ANKRD11: variants seen among roughly 807,000 people sequenced by gnomAD.
The protein encoded by ANKRD11 is ankyrin repeat domain-containing protein 11.
A neutral mutation model predicts 195.7 loss-of-function variants in ANKRD11; 17 were observed. The observed-to-expected ratio is 0.09, with a 90% CI of 0.06 to 0.13. The LOEUF is 0.13. Among genes scored for constraint, ANKRD11 ranks in the 10% least tolerant of loss-of-function variants. The pLI is 1.00. For synonymous variants in ANKRD11, 1,953 were observed against 1,528.1 expected, an observed-to-expected ratio of 1.28 and a Z score of -6.49; for missense variants, 3,735 against 3,566.1, an observed-to-expected ratio of 1.05 and a Z score of -1.21.
chr16:89,292,871 T>G (rs935238593), intron 4 of ANKRD11, among the ~76,000 whole-genome samples: 17 of 152,340 alleles, frequency 1.1e-4, no homozygotes, highest in African/African-American at 4.1e-4. Flanking sequence ...CGCCCCATGC[T>G]TTCCCTGCAC....
Position 89,283,567 on chromosome 16 carries a change from T to C in ANKRD11, c.2975A>G (p.Asp992Gly). The C allele has an allele frequency of 6.2e-7, 1 of 1,611,238 alleles. No individual in the cohort carries two copies. Among genetic ancestry groups the C allele is most frequent in the Non-Finnish European group, 8.5e-7 (1 of 1,180,016 alleles). ...ESGFKDKSDG[D>G]FGKGLEPWER... is the part of the protein sequence containing the mutation. ...CCACGGCTCCAGGCCCTTCCCAAAG[T>C]CGCCGTCGGACTTGTCCTTGAAGCC... The change falls in exon 9 of 13, where the codon GAC becomes GGC. Residue 992 changes from aspartate to glycine, a missense_variant. Coordinates refer to ENST00000301030, the MANE Select transcript of ANKRD11 (RefSeq NM_013275.6). This position sits in a 1 kb window ranked among gnomAD's most constrained non-coding sequence, Gnocchi z 4.3.
chr16:89,317,354 C>T (rs908999017), intron 2 of ANKRD11, among the ~76,000 whole-genome samples: 84 of 152,352 alleles, frequency 5.5e-4, no homozygotes, highest in African/African-American at 2.0e-3. Context: ...TAGGGTGTGG[C>T]TGTGTTCTGG....
chr16:89,336,296 A>T (rs1430456579), intron 2 of ANKRD11, among the ~76,000 whole-genome samples: 1 of 152,118 alleles, frequency 6.6e-6, no homozygotes, highest in Non-Finnish European at 1.5e-5. Context: ...AGCAGCCACC[A>T]AATGCACACA....
intron 2 of ANKRD11, chr16:89,340,019 T>C (rs1327795046): frequency 6.6e-6 from 1 of 152,250 alleles, no homozygotes; most frequent in Non-Finnish European, 1.5e-5. Context: ...AACTGCAGTG[T>C]GCGCTCCTCG....
In ANKRD11 at chr16:89,441,642, C is replaced by G. The variant is rs557902689; in HGVS notation, c.-144-23274G>C. On this transcript the variant is annotated intron_variant, in intron 1 of 12. Coordinates refer to ENST00000301030, the MANE Select transcript of ANKRD11 (RefSeq NM_013275.6). ...ATTAGCTGGGTGTGGTGGTGGGCAC[C>G]TGCAGTCCCAGCTACTCGGGAGGCT... Among the ~76,000 whole-genome samples the G allele has an allele frequency of 9.9e-5, 15 of 151,838 alleles. No homozygotes were observed. The East Asian group carries it at 2.5e-3, about 26-fold the overall frequency.
chr16:89,485,736 G>C (rs1461196025), intron 1 of ANKRD11, among the ~76,000 whole-genome samples: 2 of 152,000 alleles, frequency 1.3e-5, no homozygotes, highest in African/African-American at 4.8e-5. Context: ...AAAATCAATA[G>C]GGCACACCTC....
intron 1 of ANKRD11, among the ~76,000 whole-genome samples, chr16:89,482,319 G>C (rs554469462): frequency 1.3e-5 from 2 of 152,112 alleles, no homozygotes; most frequent in Non-Finnish European, 1.5e-5. Context: ...ATGTGTGAAC[G>C]GTCAGTCACA....
chr16:89,369,058 C>T (rs571874107), intron 2 of ANKRD11, among the ~76,000 whole-genome samples: 2 of 152,238 alleles, frequency 1.3e-5, no homozygotes, highest in Admixed American at 6.5e-5. Context: ...CCCATTCCTC[C>T]ACAGCAAGCC....
intron 2 of ANKRD11, among the ~76,000 whole-genome samples, chr16:89,417,143 G>A (rs1486334095): frequency 6.6e-6 from 1 of 152,150 alleles, no homozygotes; most frequent in Non-Finnish European, 1.5e-5. Context: ...AAAGAATTCA[G>A]TCATATGAAA....
At chr16:89,475,008 C>T (rs1452581090) in intron 1 of ANKRD11, among the ~76,000 whole-genome samples, 1 of 152,228 alleles carries the variant, frequency 6.6e-6, no homozygotes, top group African/African-American at 2.4e-5. Context: ...CTCACCCCTG[C>T]TGGTGCAGTG....
chr16:89,313,946 C>A (rs775006496), intron 3 of ANKRD11, among the ~76,000 whole-genome samples: 1 of 152,200 alleles, frequency 6.6e-6, no homozygotes, highest in Non-Finnish European at 1.5e-5. Flanking sequence ...AACAAACAAA[C>A]AAAACAGGAC....
In ANKRD11 at chr16:89,279,621, A is replaced by G; in HGVS notation, c.6921T>C (p.Pro2307=). The G allele has an allele frequency of 3.5e-6, 5 of 1,438,146 alleles. No individual in the cohort carries two copies. Among genetic ancestry groups the G allele is most frequent in the Non-Finnish European group, 3.6e-6 (4 of 1,099,924 alleles). The allele number at this position is 1,438,146 out of a possible 1,614,324, so 89.1% of individuals were successfully genotyped here. A position where few individuals can be genotyped will look rare whatever the true frequency, so the allele number is the denominator to read the frequency against. Residue 2307 remains proline (P), a synonymous_variant, in exon 9 of 13, where the codon CCT becomes CCC. Coordinates refer to ENST00000301030, the MANE Select transcript of ANKRD11 (RefSeq NM_013275.6). This position sits in a 1 kb window ranked among gnomAD's most constrained non-coding sequence, Gnocchi z 5.6. ...CTGCGGCTTCCGGCTGGATGCCGCC[A>G]GGAGGGCCTTCGGCTGGGGCGGCGG... ...SRAAAPAEGP[P]GGIQPEAAEP...
intron 1 of ANKRD11, among the ~76,000 whole-genome samples, chr16:89,474,521 G>C (rs1361634661): frequency 3.3e-5 from 5 of 149,902 alleles, no homozygotes; most frequent in Admixed American, 6.7e-5. Flanking sequence ...CCATTTGAAA[G>C]AAAAGCTTTC....
At chr16:89,402,435 A>G (rs948891603) in intron 2 of ANKRD11, among the ~76,000 whole-genome samples, 23 of 152,050 alleles carry the variant, frequency 1.5e-4, no homozygotes, top group Non-Finnish European at 2.9e-4. Context: ...TACCTAACAC[A>G]TGAGGAAGCC....
chr16:89,270,682 C>G lies in ANKRD11; in HGVS notation c.7806+135G>C, dbSNP rs974977732. The G allele has an allele frequency of 8.0e-6, 7 of 871,406 alleles. 1 individual carries two copies. The highest frequency in any genetic ancestry group is 2.9e-5 in the South Asian group (2 of 70,126). 54.0% of individuals were successfully genotyped at this position (871,406 alleles called of 1,614,324 possible). A position where few individuals can be genotyped will look rare whatever the true frequency, so the allele number is the denominator to read the frequency against. ...AAAGCATCGGCCAGATTAAGAGAAT[C>G]TGAAATTGTCACCGCCCATCACAGA... On this transcript the variant is annotated intron_variant, in intron 12 of 12. Transcript: ENST00000301030.
At chr16:89,347,186 T>G (rs1209862566) in intron 2 of ANKRD11, among the ~76,000 whole-genome samples, 1 of 152,114 alleles carries the variant, frequency 6.6e-6, no homozygotes, top group East Asian at 1.9e-4. Flanking sequence ...ATGAAAACAC[T>G]GCCACAGCAG....
intron 2 of ANKRD11, among the ~76,000 whole-genome samples, chr16:89,358,609 A>G (rs534654993): frequency 6.6e-6 from 1 of 152,218 alleles, no homozygotes; most frequent in Non-Finnish European, 1.5e-5. Context: ...CTTTAAAAAT[A>G]ATAATTAATA....
At chr16:89,424,364 C>A (rs903019190) in intron 1 of ANKRD11, among the ~76,000 whole-genome samples, 119 of 151,948 alleles carry the variant, frequency 7.8e-4, no homozygotes, top group African/African-American at 2.5e-3. Context: ...TCACTTGAAC[C>A]CAGGAGACGG....
At chr16:89,447,487 G>A (rs753708768) in intron 1 of ANKRD11, among the ~76,000 whole-genome samples, 14 of 152,006 alleles carry the variant, frequency 9.2e-5, no homozygotes, top group Non-Finnish European at 8.8e-5. Context: ...CCCACATCCC[G>A]GCTGTCGTCC....
Sources: allele counts gnomAD v4.1 joint callset (sites outside exome capture counted in the v4.1 genomes callset), GRCh38; gene constraint gnomAD v4.1.1; non-coding constraint Gnocchi (gnomAD v3.1); transcripts MANE v1.5; gene names NCBI Gene and HGNC (gene_info 2026-07-23, HGNC 2026-07-21).